KDSR: variants seen among roughly 807,000 people sequenced by gnomAD.
The protein encoded by KDSR is 3-ketodihydrosphingosine reductase, also known as 3-dehydrosphinganine reductase.
Under a neutral mutation model 41.3 loss-of-function variants are expected in KDSR, and 23 were observed. That is an observed-to-expected ratio of 0.56 (90% CI 0.40 to 0.79). The LOEUF (loss-of-function observed/expected upper bound fraction) is 0.79, where lower values mean the gene tolerates loss of function less well. KDSR is among the 30% of genes least tolerant of loss of function. KDSR has a pLI of 0.00. For missense variants in KDSR, 351 were observed against 416.8 expected (o/e 0.84, Z 1.37); for synonymous variants, 138 against 151.7 (o/e 0.91, Z 0.66).
chr18:63,352,530 G>A (rs912894762), intron 5 of KDSR, among the ~76,000 whole-genome samples: 1 of 152,196 alleles, frequency 6.6e-6, no homozygotes, highest in African/African-American at 2.4e-5. Flanking sequence ...TGGGCAGGCT[G>A]GTCTCGAACT....
chr18:63,345,159 C>G (rs371194277), intron 6 of KDSR: 1 of 152,400 alleles, frequency 6.6e-6, no homozygotes, highest in Admixed American at 6.5e-5. Context: ...CAAGTCAGAC[C>G]AGCCAAGTAC....
chr18:63,365,704 TC>T (rs1225645978), intron 1 of KDSR, among the ~76,000 whole-genome samples: 3 of 152,328 alleles, frequency 2.0e-5, no homozygotes, highest in African/African-American at 7.2e-5. Flanking sequence ...CTCTATAAAC[TC>T]AAGCTCTGAA....
At chr18:63,362,944 G>T in intron 1 of KDSR, 76 bp from the exon 2 acceptor site, 1 of 908,194 alleles carries the variant, frequency 1.1e-6, no homozygotes, top group Non-Finnish European at 1.8e-6. Flanking sequence ...AAACAACTAT[G>T]ACAGGCTCTT....
chr18:63,351,180 A>C, intron 5 of KDSR, 101 bp from the exon 6 acceptor site: 101 of 933,070 alleles, frequency 1.1e-4, no homozygotes, highest in Middle Eastern at 3.3e-4. Context: ...ATGCAAGCTC[A>C]AGTGACTGGG....
rs71162630 is a variant in KDSR at position 63,361,209 on chromosome 18, CAAAAAAAAAAAAAAAA to C, written c.199-1433_199-1418del. ...TGGGTTACAGAGCAAAACTCCGTCT[CAAAAAAAAAAAAAAAA>C]AAAAAAAAAAAAGAATGAATTACTC... On this transcript the variant is annotated intron_variant, in intron 2 of 9. Transcript: ENST00000645214. Among the ~76,000 whole-genome samples the C allele has an allele frequency of 2.6e-4, 4 of 15,512 alleles. No individual in the cohort carries two copies. In the East Asian group the frequency reaches 8.9e-3, roughly 35 times the overall value. 10.2% of individuals were successfully genotyped at this position (15,512 alleles called of 152,430 possible).
At chr18:63,352,369 C>T (rs1914681215) in intron 5 of KDSR, among the ~76,000 whole-genome samples, 1 of 152,138 alleles carries the variant, frequency 6.6e-6, no homozygotes, top group South Asian at 2.1e-4. Context: ...GGCTGGAGTA[C>T]AGTGGTGTGA....
rs74169956 is a variant in KDSR at position 63,331,266 on chromosome 18, A to AAGAGAG, written c.*510_*515dup. ...CTTGAATAAAATACACAAAGAAAGA[A>AAGAGAG]AGAGAGAGAGAGAGAGAGACAGAGA... On this transcript the variant is annotated 3_prime_UTR_variant, in exon 10 of 10. Coordinates refer to ENST00000645214, the MANE Select transcript of KDSR (RefSeq NM_002035.4). 6.1e-6 allele frequency: 1 copy of AAGAGAG among 162,958 alleles called. No homozygotes were observed. The highest frequency in any genetic ancestry group is 2.7e-5 in the African/African-American group (1 of 37,618). The allele number at this position is 162,958 out of a possible 1,614,324, so 10.1% of individuals were successfully genotyped here. A position where few individuals can be genotyped will look rare whatever the true frequency, so the allele number is the denominator to read the frequency against.
At chr18:63,349,562 A>G (rs1170347349) in intron 6 of KDSR, among the ~76,000 whole-genome samples, 4 of 152,274 alleles carry the variant, frequency 2.6e-5, no homozygotes, top group Non-Finnish European at 1.5e-5. Flanking sequence ...GTTGATAACA[A>G]TAAAATCTGT....
At chr18:63,356,989 A>C (rs1265396287) in intron 3 of KDSR, among the ~76,000 whole-genome samples, 3 of 152,196 alleles carry the variant, frequency 2.0e-5, no homozygotes, top group African/African-American at 7.2e-5. Flanking sequence ...AATAAAAAGA[A>C]TGGAAACAGC....
In KDSR at chr18:63,331,527, C is replaced by T. The variant is rs764584392; in HGVS notation, c.*255G>A. On this transcript the variant is annotated 3_prime_UTR_variant, in exon 10 of 10. Coordinates refer to ENST00000645214, the MANE Select transcript of KDSR (RefSeq NM_002035.4). Reference sequence around the variant, plus strand: ...TTACTTTGTTCACACGCTATTAATTCTCATACCTTCACCTCTCTACCACAA... The same window carrying T: ...TTACTTTGTTCACACGCTATTAATTTTCATACCTTCACCTCTCTACCACAA... 11 of 337,374 alleles carry T rather than the reference C, an allele frequency of 3.3e-5. No homozygotes were observed. Among genetic ancestry groups the T allele is most frequent in the African/African-American group, 1.7e-4 (8 of 48,134 alleles). 20.9% of individuals were successfully genotyped at this position (337,374 alleles called of 1,614,324 possible).
At chr18:63,347,212 C>A (rs1445477376) in intron 6 of KDSR, among the ~76,000 whole-genome samples, 1 of 152,066 alleles carries the variant, frequency 6.6e-6, no homozygotes, top group East Asian at 1.9e-4. Flanking sequence ...TGTTCAAGAA[C>A]CGATTTGTGG....
chr18:63,341,538 G>GAAT (rs1914340172), intron 7 of KDSR, among the ~76,000 whole-genome samples: 1 of 151,562 alleles, frequency 6.6e-6, no homozygotes, highest in African/African-American at 2.4e-5. Context: ...TCAAAAATCT[G>GAAT]AATAATAAAT....
intron 3 of KDSR, 147 bp from the exon 4 acceptor site, chr18:63,355,710 A>G (rs994196877): frequency 3.3e-6 from 4 of 1,225,342 alleles, no homozygotes; most frequent in Non-Finnish European, 4.3e-6. Flanking sequence ...TGATGCAATT[A>G]GCAGAATCTA....
intron 6 of KDSR, chr18:63,344,769 C>T (rs1914447478): frequency 1.3e-5 from 4 of 319,116 alleles, no homozygotes; most frequent in Admixed American, 9.1e-5. Flanking sequence ...TCCTGCTGCC[C>T]AGACAGAGGC....
chr18:63,344,594 G>C (rs1423729700), intron 6 of KDSR, 101 bp from the exon 7 acceptor site: 1 of 734,102 alleles, frequency 1.4e-6, no homozygotes, highest in East Asian at 2.6e-5. Flanking sequence ...AAAGCGGTGA[G>C]AACAATGGGG....
chr18:63,342,001 T>TA (rs914832134), intron 7 of KDSR, among the ~76,000 whole-genome samples: 17 of 149,506 alleles, frequency 1.1e-4, no homozygotes, highest in South Asian at 2.1e-4. Context: ...CCGTCTCTAC[T>TA]AAAAAAAAAT....
In KDSR at chr18:63,367,149, C is replaced by T. The variant is rs1287805744; in HGVS notation, c.-31G>A. 1 of 1,203,068 alleles carries T rather than the reference C, an allele frequency of 8.3e-7. No individual in the cohort carries two copies. 74.5% of individuals were successfully genotyped at this position (1,203,068 alleles called of 1,614,324 possible). On this transcript the variant is annotated 5_prime_UTR_variant, in exon 1 of 10. Transcript: ENST00000645214. ...CGCGGGGCCAGGGGCCCGGAGCGGC[C>T]GGGCGGGGGCCGCCGGGCAAGGCGC... is the stretch of plus-strand genomic sequence containing the variant.
At chr18:63,355,610 T>C in intron 3 of KDSR, 47 bp from the exon 4 acceptor site, 1 of 1,508,812 alleles carries the variant, frequency 6.6e-7, no homozygotes, top group East Asian at 2.4e-5. Flanking sequence ...GGTACCAAAC[T>C]ATTTCTTAAA....
intron 6 of KDSR, among the ~76,000 whole-genome samples, chr18:63,350,472 T>G (rs934682983): frequency 6.6e-6 from 1 of 152,172 alleles, no homozygotes; most frequent in Non-Finnish European, 1.5e-5. Flanking sequence ...AGCTAAAAAT[T>G]AGCAGCTGAT....
Sources: gnomAD v4.1 joint callset for allele counts (sites outside exome capture counted in the v4.1 genomes callset) on GRCh38, gnomAD v4.1.1 for gene constraint, MANE v1.5 for transcripts, NCBI Gene and HGNC (gene_info 2026-07-23, HGNC 2026-07-21) for gene names.